PCDHGA4: variants seen among roughly 807,000 people sequenced by gnomAD.
PCDHGA4 encodes the protein protocadherin gamma-A4.
In PCDHGA4, 38 loss-of-function variants were observed where a neutral mutation model predicts 54.6. That is an observed-to-expected ratio of 0.70 (90% CI 0.54 to 0.91). The LOEUF (loss-of-function observed/expected upper bound fraction) is 0.91, where lower values mean the gene tolerates loss of function less well. PCDHGA4 is among the 40% of genes least tolerant of loss of function. PCDHGA4 has a pLI of 0.00. For synonymous variants in PCDHGA4, 511 were observed against 512.9 expected (o/e 1.00, Z 0.05); for missense variants, 1,298 against 1,220.9 (o/e 1.06, Z -0.94).
intron 1 of PCDHGA4, chr5:141,371,867 C>G (rs1452583584): frequency 6.2e-7 from 1 of 1,613,548 alleles, no homozygotes; most frequent in Non-Finnish European, 8.5e-7. Flanking sequence ...CCTACTACAT[C>G]GTGGCCAGTG....
chr5:141,366,803 T>C, intron 1 of PCDHGA4: 1 of 1,562,322 alleles, frequency 6.4e-7, no homozygotes. Context: ...TTTGTTTCCT[T>C]TTTCATGTTT....
chr5:141,484,805 A>G (rs1594417928), intron 1 of PCDHGA4, among the ~76,000 whole-genome samples: 1 of 151,896 alleles, frequency 6.6e-6, no homozygotes, highest in East Asian at 1.9e-4. Context: ...CCGTGGAAAA[A>G]CATGCCGTTG....
chr5:141,510,984 C>G lies in PCDHGA4; in HGVS notation c.2700C>G (p.Ala900=). ...ADGSSTLGGG[A]GTMGLSARYG... ...GGAGCTCCACCCTGGGAGGGGGTGC[C>G]GGCACCATGGGATTGAGCGCCCGCT... The change falls in exon 4 of 4, where the codon GCC becomes GCG. Residue 900 remains alanine (A), a synonymous_variant. Transcript: ENST00000571252. The G allele has an allele frequency of 1.2e-6, 2 of 1,614,162 alleles. No homozygotes were observed. The highest frequency in any genetic ancestry group is 1.7e-6 in the Non-Finnish European group (2 of 1,180,012).
chr5:141,369,516 T>C (rs1766308366), intron 1 of PCDHGA4, among the ~76,000 whole-genome samples: 1 of 151,978 alleles, frequency 6.6e-6, no homozygotes, highest in South Asian at 2.1e-4. Flanking sequence ...AAAAAAAAAG[T>C]TTTCAATCAT....
chr5:141,393,460 A>T, intron 1 of PCDHGA4: 1 of 1,614,052 alleles, frequency 6.2e-7, no homozygotes, highest in Non-Finnish European at 8.5e-7. Flanking sequence ...ACGGCCTCGG[A>T]TGGCGGCAAG....
At chr5:141,372,626 C>T (rs1385028650) in intron 1 of PCDHGA4, 3 of 1,613,792 alleles carry the variant, frequency 1.9e-6, no homozygotes, top group East Asian at 2.2e-5. Context: ...CCACCTACAG[C>T]GAAAGGACTT....
chr5:141,368,022 A>C lies in PCDHGA4; in HGVS notation c.2514+10401A>C, dbSNP rs148102234. 3.7e-3 allele frequency among the ~76,000 whole-genome samples: 559 copies of C among 152,344 alleles called. 6 individuals are homozygous for C. Among genetic ancestry groups the C allele is most frequent in the African/African-American group, 0.013 (529 of 41,584 alleles). On this transcript the variant is annotated intron_variant, in intron 1 of 3. Coordinates refer to ENST00000571252, the MANE Select transcript of PCDHGA4 (RefSeq NM_018917.4). ...AATGAAATACTGGCCTATGTGCCTC[A>C]AATTCCAGGAGGATGTGTTATGTAA...
Position 141,485,243 on chromosome 5 carries a change from C to A in PCDHGA4, c.2515-9564C>A. ...TACCCTTTTGTTCCTCTTTTACCACCTGGGTTACGTTTGTGGGCAGATCCG... is the reference window on the plus strand; with the variant it reads ...TACCCTTTTGTTCCTCTTTTACCACATGGGTTACGTTTGTGGGCAGATCCG... On this transcript the variant is annotated intron_variant, in intron 1 of 3. Transcript: ENST00000571252. This position sits in a 1 kb window ranked among gnomAD's most constrained non-coding sequence, Gnocchi z 5.7. 1 of 1,614,180 alleles carries A rather than the reference C, an allele frequency of 6.2e-7. No homozygotes were observed. The highest frequency in any genetic ancestry group is 8.5e-7 in the Non-Finnish European group (1 of 1,180,000).
Position 141,478,316 on chromosome 5 carries a change from C to T in PCDHGA4, c.2515-16491C>T, listed in dbSNP as rs776948755. ...CCTATACCGAGCCCCGGTGAGCTCA[C>T]TGTACCGAACACCAGGGCCCTCCTT... On this transcript the variant is annotated intron_variant, in intron 1 of 3. Coordinates refer to ENST00000571252, the MANE Select transcript of PCDHGA4 (RefSeq NM_018917.4). 120 of 1,613,924 alleles carry T rather than the reference C, an allele frequency of 7.4e-5. 2 individuals carry two copies. In the South Asian group the frequency reaches 1.3e-3, roughly 18 times the overall value.
In PCDHGA4 at chr5:141,432,143, C is replaced by G; in HGVS notation, c.2515-62664C>G. 2 of 1,614,084 alleles carry G rather than the reference C, an allele frequency of 1.2e-6. No homozygotes were observed. Among genetic ancestry groups the G allele is most frequent in the Non-Finnish European group, 1.7e-6 (2 of 1,180,006 alleles). Reference sequence around the variant, plus strand: ...TCAGGCCTCCTATTCCGCTTATATCCCAGAGAACAATCCCAGAGGAGTTTC... The same window carrying G: ...TCAGGCCTCCTATTCCGCTTATATCGCAGAGAACAATCCCAGAGGAGTTTC... On this transcript the variant is annotated intron_variant, in intron 1 of 3. Coordinates refer to ENST00000571252, the MANE Select transcript of PCDHGA4 (RefSeq NM_018917.4). This position sits in a 1 kb window ranked among gnomAD's most constrained non-coding sequence, Gnocchi z 6.0.
At position 141,413,426 on chromosome 5, in the gene PCDHGA4, G is replaced by T. The variant is rs138985917; in HGVS notation, c.2514+55805G>T. On this transcript the variant is annotated intron_variant, in intron 1 of 3. Transcript: ENST00000571252. Reference sequence around the variant, plus strand: ...ACGCAGCTTTTCTCTCTGAACCCGCGCAGCGGCAGCTTGATCACCGCGGGC... The same window carrying T: ...ACGCAGCTTTTCTCTCTGAACCCGCTCAGCGGCAGCTTGATCACCGCGGGC... 776 of 1,614,090 alleles carry T rather than the reference G, an allele frequency of 4.8e-4. 5 individuals carry two copies. The African/African-American group carries it at 9.2e-3, about 19-fold the overall frequency.
At position 141,355,845 on chromosome 5, in the gene PCDHGA4, C is replaced by T. The variant is rs1479367504; in HGVS notation, c.738C>T (p.Phe246=). The T allele has an allele frequency of 1.2e-6, 2 of 1,612,160 alleles. No homozygotes were observed. The highest frequency in any genetic ancestry group is 2.7e-5 in the African/African-American group (2 of 74,928). The change falls in exon 1 of 4, where the codon TTC becomes TTT. Residue 246 remains phenylalanine, a synonymous_variant. Coordinates refer to ENST00000571252, the MANE Select transcript of PCDHGA4 (RefSeq NM_018917.4). ...EAVHHLVLTA[F]DGGDPVRSGT... ...TTCACCACCTCGTTCTCACGGCCTT[C>T]GATGGAGGTGACCCGGTTCGCTCTG...
chr5:141,383,219 A>G (rs1333678455), intron 1 of PCDHGA4: 2 of 1,614,000 alleles, frequency 1.2e-6, no homozygotes, highest in Admixed American at 3.3e-5. Context: ...GTAAACTTTA[A>G]CATCCTGATG....
At chr5:141,394,001 G>C in intron 1 of PCDHGA4, 1 of 1,613,458 alleles carries the variant, frequency 6.2e-7, no homozygotes, top group Non-Finnish European at 8.5e-7. Flanking sequence ...AATTAGAAAA[G>C]TCAATAGGTA....
chr5:141,473,219 G>A (rs1198994780), intron 1 of PCDHGA4, among the ~76,000 whole-genome samples: 2 of 151,864 alleles, frequency 1.3e-5, no homozygotes, highest in Non-Finnish European at 2.9e-5. Flanking sequence ...TTACTTCCAG[G>A]GAGATTGGAT....
chr5:141,425,881 A>C (rs911454948), intron 1 of PCDHGA4, among the ~76,000 whole-genome samples: 1 of 152,230 alleles, frequency 6.6e-6, no homozygotes, highest in African/African-American at 2.4e-5. Context: ...TCTCTAAGGA[A>C]TCTTCTTTGG....
intron 1 of PCDHGA4, among the ~76,000 whole-genome samples, chr5:141,438,517 T>G (rs975190211): frequency 6.7e-6 from 1 of 148,384 alleles, no homozygotes; most frequent in Non-Finnish European, 1.5e-5. Context: ...AAACCAATTA[T>G]TTTACATGGA....
At chr5:141,439,934 G>T (rs1477526863) in intron 1 of PCDHGA4, 2 of 152,382 alleles carry the variant, frequency 1.3e-5, no homozygotes, top group Admixed American at 1.3e-4. Context: ...ATCCTGCTGG[G>T]CATTCTCTAT....
chr5:141,492,332 G>A (rs2099739439), intron 1 of PCDHGA4, among the ~76,000 whole-genome samples: 1 of 152,204 alleles, frequency 6.6e-6, no homozygotes. Flanking sequence ...GGGCTTACGC[G>A]AATACCAGCT....
Sources: gnomAD v4.1 joint callset for allele counts (sites outside exome capture counted in the v4.1 genomes callset) on GRCh38, gnomAD v4.1.1 for gene constraint, Gnocchi (gnomAD v3.1) non-coding constraint, MANE v1.5 for transcripts, NCBI Gene and HGNC (gene_info 2026-07-23, HGNC 2026-07-21) for gene names.